ARHGEF1: variants seen among roughly 807,000 people sequenced by gnomAD.
ARHGEF1 encodes Rho guanine nucleotide exchange factor 1.
ARHGEF1 carries 40 observed loss-of-function variants against 119.7 expected under a neutral mutation model. The observed-to-expected ratio is 0.33, with a 90% confidence interval of 0.26 to 0.44. The LOEUF (loss-of-function observed/expected upper bound fraction) is 0.44, where lower values mean the gene tolerates loss of function less well. Ranked by LOEUF, ARHGEF1 falls within the 20% of genes least tolerant of loss-of-function variation. The probability of loss-of-function intolerance (pLI) is 1.00; values close to 1 mark genes in which losing one functional copy is unlikely to be tolerated. For synonymous variants in ARHGEF1, 494 were observed against 521.0 expected (o/e 0.95, Z 0.71); for missense variants, 976 against 1,268.3 (o/e 0.77, Z 3.50).
chr19:41,903,635 T>TA lies in ARHGEF1; in HGVS notation c.1840-71dup. 1 of 1,526,304 alleles carries TA rather than the reference T, an allele frequency of 6.6e-7. No individual in the cohort carries two copies. Among genetic ancestry groups the TA allele is most frequent in the African/African-American group, 1.4e-5 (1 of 73,338 alleles). The allele number at this position is 1,526,304 out of a possible 1,614,324, so 94.5% of individuals were successfully genotyped here. ...CAGAAGTTGGTCTTGGCTCTCATCTTACCAATGTGGGTCACTGCAGGTCAG... is the reference window on the plus strand; with the variant it reads ...CAGAAGTTGGTCTTGGCTCTCATCTTAACCAATGTGGGTCACTGCAGGTCAG... On this transcript the variant is annotated intron_variant, in intron 19 of 28. Coordinates refer to ENST00000354532, the MANE Select transcript of ARHGEF1 (RefSeq NM_004706.4). This position sits in a 1 kb window ranked among gnomAD's most constrained non-coding sequence, Gnocchi z 4.2.
chr19:41,909,735 G>A (rs376884991), downstream of ARHGEF1: 387 of 1,068,306 alleles, frequency 3.6e-4, 4 homozygotes, highest in South Asian at 6.2e-3. This position sits in a 1 kb window ranked among gnomAD's most constrained non-coding sequence, Gnocchi z 5.2. Context: ...TAGCGATGGT[G>A]GCTACTCACG....
Position 41,892,759 on chromosome 19 carries a change from T to C in ARHGEF1, c.524T>C (p.Leu175Pro). 1 of 1,608,660 alleles carries C rather than the reference T, an allele frequency of 6.2e-7. No individual in the cohort carries two copies. The highest frequency in any genetic ancestry group is 8.5e-7 in the Non-Finnish European group (1 of 1,178,228). The change falls in exon 7 of 29, where the codon CTG becomes CCG. Residue 175 changes from leucine to proline, a missense_variant. Leu to Pro is a moderately conservative substitution (Grantham distance 98). Transcript: ENST00000354532. The surrounding 1 kb of genome is among the most constrained non-coding windows in gnomAD (Gnocchi z 6.3). ...CCCTGGGAGCAGGAGCTGGCCCAGC[T>C]GGAGGCTTGGGTTGGGCGGGACCGA... The part of the protein sequence containing the change: ...MTPWEQELAQ[L>P]EAWVGRDRAS...
chr19:41,905,411 ATG>A lies in ARHGEF1; in HGVS notation c.2336+153_2336+154del, dbSNP rs1269833933. 14 of 703,100 alleles carry A rather than the reference ATG, an allele frequency of 2.0e-5. No homozygotes were observed. Among genetic ancestry groups the A allele is most frequent in the Non-Finnish European group, 3.3e-5 (14 of 425,456 alleles). The allele number at this position is 703,100 out of a possible 1,614,324, so 43.6% of individuals were successfully genotyped here. On this transcript the variant is annotated intron_variant, in intron 24 of 28. Transcript: ENST00000354532. The surrounding 1 kb of genome is among the most constrained non-coding windows in gnomAD (Gnocchi z 6.4). ...CATACATGTGTGTCTGTACGCAAGT[ATG>A]TGACTGTGCGTGCATATATAGTGTG...
In ARHGEF1 at chr19:41,905,561, C is replaced by A; in HGVS notation, c.2337-199C>A. On this transcript the variant is annotated intron_variant, in intron 24 of 28. Coordinates refer to ENST00000354532, the MANE Select transcript of ARHGEF1 (RefSeq NM_004706.4). This position sits in a 1 kb window ranked among gnomAD's most constrained non-coding sequence, Gnocchi z 6.4. Reference sequence around the variant, plus strand: ...TGTGTGTGCGCATGTGCCGACCCCACCACTGCCCCGTCTGTCTCCTGTCTC... The same window carrying A: ...TGTGTGTGCGCATGTGCCGACCCCAACACTGCCCCGTCTGTCTCCTGTCTC... 1.6e-6 allele frequency: 1 copy of A among 633,934 alleles called. No individual in the cohort carries two copies. Among genetic ancestry groups the A allele is most frequent in the Non-Finnish European group, 2.7e-6 (1 of 365,734 alleles). 39.3% of individuals were successfully genotyped at this position (633,934 alleles called of 1,614,324 possible). A position where few individuals can be genotyped will look rare whatever the true frequency, so the allele number is the denominator to read the frequency against.
In ARHGEF1 at chr19:41,888,326, C is replaced by T. The variant is rs368142986; in HGVS notation, c.111+48C>T. ...AAGCTCTGTCCCAGGCTCAGTGTCC[C>T]GCCCCAGGTCCCCTCCCACCTGCAG... On this transcript the variant is annotated intron_variant, in intron 3 of 28. Transcript: ENST00000354532. The surrounding 1 kb of genome is among the most constrained non-coding windows in gnomAD (Gnocchi z 5.1). 3.8e-4 allele frequency: 597 copies of T among 1,579,734 alleles called. No homozygotes were observed. The highest frequency in any genetic ancestry group is 4.8e-4 in the Non-Finnish European group (559 of 1,154,584).
Position 41,892,345 on chromosome 19 carries a change from G to T in ARHGEF1, c.339G>T (p.Pro113=). The change falls in exon 6 of 29, where the codon CCG becomes CCT. Residue 113 remains proline, a synonymous_variant. Coordinates refer to ENST00000354532, the MANE Select transcript of ARHGEF1 (RefSeq NM_004706.4). This position sits in a 1 kb window ranked among gnomAD's most constrained non-coding sequence, Gnocchi z 6.3. ...CTCTTGAGCAGGTTCTCCGGGTGCC[G>T]GTCCCTCCCAACGTCGCCTTTGAAC... is the stretch of plus-strand genomic sequence containing the variant. ...FLEKTAVLRV[P]VPPNVAFELD... 6.2e-7 allele frequency: 1 copy of T among 1,613,946 alleles called. No homozygotes were observed. Among genetic ancestry groups the T allele is most frequent in the Non-Finnish European group, 8.5e-7 (1 of 1,180,004 alleles).
chr19:41,898,784 T>C (rs553349214), intron 14 of ARHGEF1, among the ~76,000 whole-genome samples, 197 bp downstream of exon 14: 1 of 152,328 alleles, frequency 6.6e-6, no homozygotes, highest in South Asian at 2.1e-4. Flanking sequence ...AATGCCACTG[T>C]GGAAGGGACA....
Position 41,906,040 on chromosome 19 carries a change from C to T in ARHGEF1, c.2491+15C>T, listed in dbSNP as rs781809065. The T allele has an allele frequency of 5.6e-6, 9 of 1,612,516 alleles. 1 individual carries two copies. In the South Asian group the frequency reaches 8.8e-5, roughly 16 times the overall value. On this transcript the variant is annotated intron_variant, in intron 26 of 28. Coordinates refer to ENST00000354532, the MANE Select transcript of ARHGEF1 (RefSeq NM_004706.4). The surrounding 1 kb of genome is among the most constrained non-coding windows in gnomAD (Gnocchi z 4.5). The stretch of plus-strand genomic sequence containing the variant: ...CCTTCGGAAAGGTAGCCCAGCTCTG[C>T]CCCTCCAGGGTGGCCACCAGCCCAA...
At position 41,913,798 on chromosome 19, in the gene ARHGEF1, C is replaced by G. The variant is rs1389240562; in HGVS notation, c.1865+6995C>G. 2.7e-5 allele frequency among the ~76,000 whole-genome samples: 4 copies of G among 150,922 alleles called. No individual in the cohort carries two copies. The East Asian group carries it at 5.9e-4, about 22-fold the overall frequency. On this transcript the variant is annotated intron_variant, in intron 18 of 20. Coordinates refer to the ARHGEF1 transcript ENST00000599589. The stretch of plus-strand genomic sequence containing the variant: ...CCTTTCCCCCTCTTATGGCGCCTCC[C>G]CTCCACACACACACCCTTGCAATCC...
At chr19:41,910,784 C>G (rs2145882321), downstream of ARHGEF1, among the ~76,000 whole-genome samples, 1 of 152,286 alleles carries the variant, frequency 6.6e-6, no homozygotes, top group African/African-American at 2.4e-5. The surrounding 1 kb of genome is among the most constrained non-coding windows in gnomAD (Gnocchi z 4.4). Flanking sequence ...AGTTCACTTG[C>G]CTGAGACACA....
At chr19:41,885,490 C>G (rs2074280231) in intron 1 of ARHGEF1, among the ~76,000 whole-genome samples, 1 of 152,250 alleles carries the variant, frequency 6.6e-6, no homozygotes, top group Non-Finnish European at 1.5e-5. Context: ...GAGACGAAGT[C>G]TCACTTCTGT....
intron 13 of ARHGEF1, 124 bp from the exon 14 acceptor site, chr19:41,898,318 T>C: frequency 6.9e-7 from 1 of 1,446,958 alleles, no homozygotes. Flanking sequence ...CCTGGTCTGC[T>C]GCACGGGCCA....
chr19:41,907,650 C>T (rs2074723525), downstream of ARHGEF1: 2 of 448,746 alleles, frequency 4.5e-6, no homozygotes, highest in South Asian at 3.2e-5. Context: ...CTCCCTGACA[C>T]CGCCCTCCAG....
intron 13 of ARHGEF1, 159 bp from the exon 14 acceptor site, chr19:41,898,283 A>G: frequency 1.5e-6 from 2 of 1,304,456 alleles, no homozygotes; most frequent in Non-Finnish European, 2.1e-6. Context: ...AGATCTGGGA[A>G]CTCTAGTGTG....
At position 41,902,192 on chromosome 19, in the gene ARHGEF1, C is replaced by T; in HGVS notation, c.1415-82C>T. 1 of 1,576,186 alleles carries T rather than the reference C, an allele frequency of 6.3e-7. No individual in the cohort carries two copies. The highest frequency in any genetic ancestry group is 1.7e-5 in the Admixed American group (1 of 59,410). On this transcript the variant is annotated intron_variant, in intron 15 of 28. Coordinates refer to ENST00000354532, the MANE Select transcript of ARHGEF1 (RefSeq NM_004706.4). This position sits in a 1 kb window ranked among gnomAD's most constrained non-coding sequence, Gnocchi z 6.5. ...GATCAGACACAGACACACCTGCAGC[C>T]CTACCCCCACCACACCGCAGCAGGC...
rs1555848410 is a variant in ARHGEF1, at chr19:41,898,516, G to A, written c.1196G>A (p.Arg399Gln). ...GAACCAGAAGAGCCTCCCGGCTGGC[G>A]GGAACTCGTCCCCCCAGACACCCTG... ...ELEPEEPPGW[R>Q]ELVPPDTLHS... The change falls in exon 14 of 29, where the codon CGG becomes CAG. Residue 399 changes from arginine to glutamine, a missense_variant. Coordinates refer to ENST00000354532, the MANE Select transcript of ARHGEF1 (RefSeq NM_004706.4). 1.9e-6 allele frequency: 3 copies of A among 1,559,258 alleles called. No individual in the cohort carries two copies. The highest frequency in any genetic ancestry group is 1.7e-4 in the Middle Eastern group (1 of 5,880).
chr19:41,909,462 G>T (rs1555851083), downstream of ARHGEF1: 2 of 1,242,070 alleles, frequency 1.6e-6, no homozygotes, highest in Non-Finnish European at 2.0e-6. The surrounding 1 kb of genome is among the most constrained non-coding windows in gnomAD (Gnocchi z 5.2). Flanking sequence ...TCCGCTTGTT[G>T]TAGTAGTAAC....
intron 14 of ARHGEF1, chr19:41,900,985 T>C (rs2074594803): frequency 6.6e-6 from 1 of 151,624 alleles, no homozygotes; most frequent in Admixed American, 6.6e-5. Flanking sequence ...GAGATGGGGT[T>C]TCACCATGTT....
At chr19:41,899,190 T>C (rs1461694075) in intron 14 of ARHGEF1, among the ~76,000 whole-genome samples, 2 of 152,054 alleles carry the variant, frequency 1.3e-5, no homozygotes, top group East Asian at 1.9e-4. Flanking sequence ...GGTTTCGCCA[T>C]GTTGGCCAGG....
Sources: gnomAD v4.1 joint callset for allele counts (sites outside exome capture counted in the v4.1 genomes callset) on GRCh38, gnomAD v4.1.1 for gene constraint, Gnocchi (gnomAD v3.1) non-coding constraint, MANE v1.5 for transcripts, NCBI Gene and HGNC (gene_info 2026-07-23, HGNC 2026-07-21) for gene names.